The following CCAR1 variants were observed in gnomAD, a reference collection of about 807,000 sequenced individuals.
CCAR1 encodes cell division cycle and apoptosis regulator protein 1.
In CCAR1, 78 loss-of-function variants were observed where a neutral mutation model predicts 163.8. The observed-to-expected ratio is 0.48, with a 90% CI of 0.40 to 0.57. The LOEUF (loss-of-function observed/expected upper bound fraction) is 0.57. CCAR1 is among the 20% of genes least tolerant of loss of function. The pLI, the probability that CCAR1 is intolerant of heterozygous loss-of-function variation, is 0.00. For missense variants in CCAR1, 1,019 were observed against 1,365.2 expected (o/e 0.75, Z 4.00); for synonymous variants, 443 against 460.7 (o/e 0.96, Z 0.49).
In CCAR1 at chr10:68,755,334, C is replaced by T. The variant is rs374666971; in HGVS notation, c.1459-36C>T. 90 of 1,566,710 alleles carry T rather than the reference C, an allele frequency of 5.7e-5. No homozygotes were observed. In the African/African-American group the frequency reaches 8.0e-4, roughly 14 times the overall value. ...ATCTTATTGGTAATTTGACAGGGTG[C>T]GTAATATATGTAAATGATTCTTTGT... On this transcript the variant is annotated intron_variant, in intron 12 of 24. Coordinates refer to ENST00000265872, the MANE Select transcript of CCAR1 (RefSeq NM_018237.4).
intron 2 of CCAR1, among the ~76,000 whole-genome samples, chr10:68,726,058 G>A (rs2055939900): frequency 6.7e-6 from 1 of 150,068 alleles, no homozygotes; most frequent in South Asian, 2.1e-4. Flanking sequence ...AGGCTACAGT[G>A]AGCTGTGATA....
chr10:68,740,621 GT>G lies in CCAR1; in HGVS notation c.292-4del. 6.2e-7 allele frequency: 1 copy of G among 1,610,014 alleles called. No homozygotes were observed. The highest frequency in any genetic ancestry group is 8.5e-7 in the Non-Finnish European group (1 of 1,177,742). ...CTTTTCTGTGTGTGTTTATTTTTCT[GT>G]TTTCAGTTACAGCAACCCCAGCAAA... On this transcript the variant is annotated splice_polypyrimidine_tract_variant and splice_region_variant and intron_variant, in intron 4 of 24. Transcript: ENST00000265872.
chr10:68,742,312 T>A (rs1282192459), intron 5 of CCAR1, 64 bp from the exon 6 acceptor site: 1 of 1,327,122 alleles, frequency 7.5e-7, no homozygotes, highest in Admixed American at 2.3e-5. Flanking sequence ...TTTTAAGTAG[T>A]CATATTCAGT....
At chr10:68,737,976 A>G (rs1372515049) in intron 4 of CCAR1, 87 bp downstream of exon 4, 1 of 890,464 alleles carries the variant, frequency 1.1e-6, no homozygotes, top group African/African-American at 1.7e-5. Context: ...TATTTCTATC[A>G]GCTACCTTAA....
Position 68,788,240 on chromosome 10 carries a change from T to C in CCAR1, c.3099T>C (p.Asp1033=), listed in dbSNP as rs1444277403. ...TTGTGTACAATGGTGCAATGGTAGA[T>C]GTAGGAAGCCTCTTGCAAAAATTGG... ...GLIVYNGAMV[D]VGSLLQKLEK... Residue 1033 remains aspartate (D), a synonymous_variant, in exon 23 of 25, where the codon GAT becomes GAC. Coordinates refer to ENST00000265872, the MANE Select transcript of CCAR1 (RefSeq NM_018237.4). The C allele has an allele frequency of 2.5e-6, 4 of 1,602,988 alleles. No individual in the cohort carries two copies. Among genetic ancestry groups the C allele is most frequent in the East Asian group, 2.2e-5 (1 of 44,568 alleles).
chr10:68,752,532 G>GT (rs1485420070), intron 10 of CCAR1, among the ~76,000 whole-genome samples: 1 of 152,030 alleles, frequency 6.6e-6, no homozygotes, highest in African/African-American at 2.4e-5. Context: ...TCAGATACTT[G>GT]TTTCATGTTT....
chr10:68,757,566 C>T lies in CCAR1; in HGVS notation c.1920+189C>T, dbSNP rs534919311. Among the ~76,000 whole-genome samples, 4 of 152,108 alleles carry T rather than the reference C, an allele frequency of 2.6e-5. No individual in the cohort carries two copies. In the East Asian group the frequency reaches 7.8e-4, roughly 29 times the overall value. ...AGTAGCTGGGATTACAGGCACCCTG[C>T]CACCACGCCTGGCTAATTTTTCTAG... is the stretch of plus-strand genomic sequence containing the variant. On this transcript the variant is annotated intron_variant, in intron 15 of 24. Transcript: ENST00000265872.
At chr10:68,787,572 A>G (rs911211736) in intron 21 of CCAR1, among the ~76,000 whole-genome samples, 2 of 152,072 alleles carry the variant, frequency 1.3e-5, no homozygotes, top group African/African-American at 4.8e-5. Context: ...ATAGTGGCTC[A>G]CACCTGTAAT....
At chr10:68,726,568 T>G (rs1782322) in intron 2 of CCAR1, among the ~76,000 whole-genome samples, 55,069 of 151,952 alleles carry the variant, frequency 0.36, 10,651 homozygotes, top group Non-Finnish European at 0.45. Context: ...ATCTTTAGTA[T>G]TATTATTTTA....
chr10:68,742,561 T>C lies in CCAR1; in HGVS notation c.510T>C (p.Phe170=), dbSNP rs1329839654. Residue 170 remains phenylalanine, a synonymous_variant, in exon 6 of 25, where the codon TTT becomes TTC. Transcript: ENST00000265872. ...GATTTGTGGATGAAGATGTATTCTT[T>C]CAGCTTAGGTAAACTTAATGAGGTC... ...TFGFVDEDVF[F]QLSAVKGKTP... is the part of the protein sequence containing the mutation. The C allele has an allele frequency of 6.2e-7, 1 of 1,612,506 alleles. No individual in the cohort carries two copies. Among genetic ancestry groups the C allele is most frequent in the Admixed American group, 1.7e-5 (1 of 59,942 alleles).
rs1274236237 is a variant in CCAR1, at chr10:68,731,592, T to G, written c.74-5284T>G. 7.6e-4 allele frequency among the ~76,000 whole-genome samples: 3 copies of G among 3,948 alleles called. No individual in the cohort carries two copies. In the Admixed American group the frequency reaches 0.012, roughly 16 times the overall value. The allele number at this position is 3,948 out of a possible 152,430, so 2.6% of individuals were successfully genotyped here. On this transcript the variant is annotated intron_variant, in intron 2 of 24. Coordinates refer to ENST00000265872, the MANE Select transcript of CCAR1 (RefSeq NM_018237.4). The stretch of plus-strand genomic sequence containing the variant: ...TACCTATTAAATTGTCTTGTTTCTG[T>G]TTTTTTTTTTTTTTTTTTTTTTTGG...
chr10:68,781,205 C>T lies in CCAR1; in HGVS notation c.2651-4931C>T, dbSNP rs796261057. The stretch of plus-strand genomic sequence containing the variant: ...CTGAGATCACGCCACTGCACTCCAG[C>T]GTGGGTGACAGAGTGAGACTCTGTC... On this transcript the variant is annotated intron_variant, in intron 19 of 24. Coordinates refer to ENST00000265872, the MANE Select transcript of CCAR1 (RefSeq NM_018237.4). 2.1e-4 allele frequency among the ~76,000 whole-genome samples: 32 copies of T among 151,136 alleles called. 1 individual carries two copies. Among genetic ancestry groups the T allele is most frequent in the African/African-American group, 7.3e-4 (30 of 41,100 alleles).
intron 6 of CCAR1, among the ~76,000 whole-genome samples, chr10:68,743,091 C>T (rs2056204116): frequency 6.6e-6 from 1 of 152,096 alleles, no homozygotes; most frequent in South Asian, 2.1e-4. Flanking sequence ...CGCCAGCACG[C>T]CTGGCTCATT....
chr10:68,750,879 T>C (rs772763431), intron 10 of CCAR1, among the ~76,000 whole-genome samples: 3 of 152,178 alleles, frequency 2.0e-5, no homozygotes, highest in Non-Finnish European at 2.9e-5. Flanking sequence ...TTTCCAGATA[T>C]TCAGTTCTAG....
intron 24 of CCAR1, among the ~76,000 whole-genome samples, chr10:68,790,513 C>T (rs970649705): frequency 6.6e-6 from 1 of 151,964 alleles, no homozygotes; most frequent in Non-Finnish European, 1.5e-5. Flanking sequence ...CACTTCACTT[C>T]TCTGTGTTTT....
At chr10:68,778,826 C>T (rs181266092) in intron 19 of CCAR1, among the ~76,000 whole-genome samples, 1 of 152,094 alleles carries the variant, frequency 6.6e-6, no homozygotes, top group Non-Finnish European at 1.5e-5. Context: ...ATCTCATGAT[C>T]CTGTTAAGTT....
intron 10 of CCAR1, among the ~76,000 whole-genome samples, chr10:68,750,829 A>C (rs962192152): frequency 2.0e-5 from 3 of 152,322 alleles, no homozygotes; most frequent in African/African-American, 7.2e-5. Flanking sequence ...AAACAGAGTG[A>C]TAATTACCGT....
intron 15 of CCAR1, among the ~76,000 whole-genome samples, chr10:68,758,503 AGTGTGTGTGTGTGTGTGTGTGTGTGTGT>A (rs71028777): frequency 8.0e-6 from 1 of 124,576 alleles, no homozygotes; most frequent in Admixed American, 8.5e-5. Context: ...CATCCTGGGC[AGTGTGTGTGTGTGTGTGTGTGTGTGTGT>A]GTGTGTGTGT....
chr10:68,747,705 A>C lies in CCAR1; in HGVS notation c.826+139A>C, dbSNP rs192041092. On this transcript the variant is annotated intron_variant, in intron 8 of 24. Transcript: ENST00000265872. Reference sequence around the variant, plus strand: ...TCCTGAATAGGACACATCTACTTCCATAGCTATGTGGAAGTATTTTTTTTT... The same window carrying C: ...TCCTGAATAGGACACATCTACTTCCCTAGCTATGTGGAAGTATTTTTTTTT... 24 of 640,978 alleles carry C rather than the reference A, an allele frequency of 3.7e-5. No homozygotes were observed. The East Asian group carries it at 6.6e-4, about 18-fold the overall frequency. 39.7% of individuals were successfully genotyped at this position (640,978 alleles called of 1,614,324 possible). A position where few individuals can be genotyped will look rare whatever the true frequency, so the allele number is the denominator to read the frequency against.
Sources: gnomAD v4.1 joint callset for allele counts (sites outside exome capture counted in the v4.1 genomes callset) on GRCh38, gnomAD v4.1.1 for gene constraint, MANE v1.5 for transcripts, NCBI Gene and HGNC (gene_info 2026-07-23, HGNC 2026-07-21) for gene names.